The following SIPA1L2 variants were observed in gnomAD, a reference collection of about 807,000 sequenced individuals.
The protein encoded by SIPA1L2 is signal-induced proliferation-associated 1-like protein 2.
A neutral mutation model predicts 163.9 loss-of-function variants in SIPA1L2; 56 were observed. The ratio of observed to expected loss-of-function variants is 0.34; its 90% confidence interval spans 0.28 to 0.43. The LOEUF (loss-of-function observed/expected upper bound fraction) is 0.43. Among genes scored for constraint, SIPA1L2 ranks in the 20% least tolerant of loss-of-function variants. The pLI is 1.00. For missense variants in SIPA1L2, 1,974 were observed against 2,193.5 expected, an observed-to-expected ratio of 0.90 and a Z score of 2.00; for synonymous variants, 877 against 865.7, an observed-to-expected ratio of 1.01 and a Z score of -0.23.
chr1:232,473,444 G>A (rs1404275598), intron 7 of SIPA1L2, among the ~76,000 whole-genome samples: 1 of 152,094 alleles, frequency 6.6e-6, no homozygotes, highest in African/African-American at 2.4e-5. Context: ...CTTCATGTTG[G>A]CCAGCCCTCT....
At chr1:232,414,257 CTG>C (rs1661121406) in intron 19 of SIPA1L2, among the ~76,000 whole-genome samples, 1 of 152,194 alleles carries the variant, frequency 6.6e-6, no homozygotes, top group South Asian at 2.1e-4. Flanking sequence ...CCTACTTCCC[CTG>C]TGTCCACTTG....
At chr1:232,589,812 T>G (rs1660870057) in intron 1 of SIPA1L2, among the ~76,000 whole-genome samples, 1 of 152,200 alleles carries the variant, frequency 6.6e-6, no homozygotes, top group Non-Finnish European at 1.5e-5. Flanking sequence ...GGCTCCTGTT[T>G]AGAAAAATGG....
chr1:232,533,364 T>C (rs1464717094), intron 2 of SIPA1L2, among the ~76,000 whole-genome samples: 2 of 152,210 alleles, frequency 1.3e-5, no homozygotes, highest in African/African-American at 4.8e-5. Context: ...ACCCTATACT[T>C]CCTTCCCTAT....
chr1:232,485,010 ATAT>A (rs1457823505), intron 5 of SIPA1L2, among the ~76,000 whole-genome samples: 6 of 152,238 alleles, frequency 3.9e-5, no homozygotes, highest in African/African-American at 1.4e-4. Flanking sequence ...AGTCTCATCC[ATAT>A]TATTACCTAA....
At chr1:232,495,507 T>G (rs2357073) in intron 3 of SIPA1L2, among the ~76,000 whole-genome samples, 37,721 of 146,530 alleles carry the variant, frequency 0.26, 4,884 homozygotes, top group Admixed American at 0.36. Context: ...GGAGCTTGCA[T>G]CGAGCCGAGA....
At chr1:232,625,038 A>C (rs1663002693) in intron 1 of SIPA1L2, among the ~76,000 whole-genome samples, 1 of 152,248 alleles carries the variant, frequency 6.6e-6, no homozygotes, top group Admixed American at 6.5e-5. Context: ...CATATGCAGA[A>C]GAGAGTGCTC....
rs531869939 is a variant in SIPA1L2 at position 232,581,516 on chromosome 1, G to A, written c.-318-7294C>T. Among the ~76,000 whole-genome samples, 4 of 152,234 alleles carry A rather than the reference G, an allele frequency of 2.6e-5. 1 individual carries two copies. The highest frequency in any genetic ancestry group is 6.5e-5 in the Admixed American group (1 of 15,294). On this transcript the variant is annotated intron_variant, in intron 1 of 22. Coordinates refer to ENST00000674635, the MANE Select transcript of SIPA1L2 (RefSeq NM_020808.5). Reference sequence around the variant, plus strand: ...TGAGCCCCTGAATCCAACAATGCCTGTAGTATGCCACCCCTAAACATCCCA... The same window carrying A: ...TGAGCCCCTGAATCCAACAATGCCTATAGTATGCCACCCCTAAACATCCCA...
intron 2 of SIPA1L2, among the ~76,000 whole-genome samples, chr1:232,529,512 A>C (rs1246673976): frequency 6.6e-6 from 1 of 152,220 alleles, no homozygotes; most frequent in African/African-American, 2.4e-5. Context: ...CTTCCAGGTA[A>C]AACACCCTTG....
chr1:232,525,070 C>T (rs1667629337), intron 2 of SIPA1L2, among the ~76,000 whole-genome samples: 1 of 151,858 alleles, frequency 6.6e-6, no homozygotes, highest in Non-Finnish European at 1.5e-5. Flanking sequence ...GCTGCTTCTC[C>T]CTTTTAAAGT....
Position 232,563,697 on chromosome 1 carries a change from C to T in SIPA1L2, c.-270+10477G>A, listed in dbSNP as rs151312324. Among the ~76,000 whole-genome samples the T allele has an allele frequency of 7.7e-3, 1,171 of 152,160 alleles. 8 individuals are homozygous for T. The highest frequency in any genetic ancestry group is 0.013 in the Non-Finnish European group (892 of 68,004). Reference sequence around the variant, plus strand: ...TGAGGTGCACAGCTAGGGCTTAGACCGCTGCTTAAAACAACAAAGCTTTTT... The same window carrying T: ...TGAGGTGCACAGCTAGGGCTTAGACTGCTGCTTAAAACAACAAAGCTTTTT... On this transcript the variant is annotated intron_variant, in intron 2 of 22. Coordinates refer to ENST00000674635, the MANE Select transcript of SIPA1L2 (RefSeq NM_020808.5).
At chr1:232,436,449 C>A (rs577657198) in intron 15 of SIPA1L2, among the ~76,000 whole-genome samples, 1 of 152,264 alleles carries the variant, frequency 6.6e-6, no homozygotes, top group African/African-American at 2.4e-5. Flanking sequence ...TGGGTTTAGG[C>A]AGGATGGTCA....
chr1:232,577,206 C>A (rs1430419000), intron 1 of SIPA1L2, among the ~76,000 whole-genome samples: 2 of 152,102 alleles, frequency 1.3e-5, no homozygotes, highest in Non-Finnish European at 2.9e-5. Flanking sequence ...TCTACTCTGC[C>A]CGTGCTCTAT....
At chr1:232,491,824 G>A (rs1345993503) in intron 4 of SIPA1L2, among the ~76,000 whole-genome samples, 1 of 152,140 alleles carries the variant, frequency 6.6e-6, no homozygotes, top group Non-Finnish European at 1.5e-5. Context: ...CCTAACGTTT[G>A]CATAATGTTC....
intron 2 of SIPA1L2, among the ~76,000 whole-genome samples, chr1:232,561,235 A>C (rs544855120): frequency 2.5e-4 from 38 of 152,220 alleles, no homozygotes; most frequent in African/African-American, 8.4e-4. Context: ...TATCTTCCCA[A>C]CTCCTTATCA....
intron 12 of SIPA1L2, 126 bp downstream of exon 12, chr1:232,443,476 G>C (rs1663025079): frequency 1.6e-6 from 1 of 612,104 alleles, no homozygotes; most frequent in Middle Eastern, 2.7e-4. Context: ...CTTGTTAAAA[G>C]CATGTCTGGC....
chr1:232,570,128 A>G (rs1209563149), intron 2 of SIPA1L2, among the ~76,000 whole-genome samples: 2 of 152,226 alleles, frequency 1.3e-5, no homozygotes, highest in African/African-American at 2.4e-5. Context: ...CTACAGTGCC[A>G]GCTATCTCGG....
chr1:232,527,725 C>CTTTTTTTTTTTTT (rs57868657), intron 2 of SIPA1L2, among the ~76,000 whole-genome samples: 56 of 80,940 alleles, frequency 6.9e-4, no homozygotes, highest in South Asian at 1.8e-3. Context: ...TCTTCTTCTT[C>CTTTTTTTTTTTTT]TTTTTTTTTT....
intron 1 of SIPA1L2, among the ~76,000 whole-genome samples, chr1:232,605,876 A>G (rs1343319952): frequency 6.6e-6 from 1 of 152,292 alleles, no homozygotes; most frequent in East Asian, 1.9e-4. Context: ...CATCACACAT[A>G]CGTGCACTGC....
chr1:232,449,544 A>C (rs1287540111), intron 10 of SIPA1L2, among the ~76,000 whole-genome samples: 1 of 151,740 alleles, frequency 6.6e-6, no homozygotes, highest in Non-Finnish European at 1.5e-5. Flanking sequence ...AAAATTAAGG[A>C]AACTGAAGTT....
Sources: gnomAD v4.1 joint callset for allele counts (sites outside exome capture counted in the v4.1 genomes callset) on GRCh38, gnomAD v4.1.1 for gene constraint, MANE v1.5 for transcripts, NCBI Gene and HGNC (gene_info 2026-07-23, HGNC 2026-07-21) for gene names.